The following ENOX1 variants were observed in gnomAD, a reference collection of about 807,000 sequenced individuals.
The protein encoded by ENOX1 is ecto-NOX disulfide-thiol exchanger 1.
Under a neutral mutation model 82.5 loss-of-function variants are expected in ENOX1, and 42 were observed. The ratio of observed to expected loss-of-function variants is 0.51; its 90% confidence interval spans 0.40 to 0.66. The LOEUF is 0.66. Among genes scored for constraint, ENOX1 ranks in the 30% least tolerant of loss-of-function variants. ENOX1 has a pLI of 0.00. For missense variants in ENOX1, 608 were observed against 811.6 expected (o/e 0.75, Z 3.05); for synonymous variants, 271 against 282.2 (o/e 0.96, Z 0.40).
rs371273708 is a variant in ENOX1, at chr13:43,669,211, A to G, written c.-284-1667T>C. Among the ~76,000 whole-genome samples the G allele has an allele frequency of 5.2e-3, 794 of 152,312 alleles. 3 individuals carry two copies. Among genetic ancestry groups the G allele is most frequent in the South Asian group, 0.028 (134 of 4,824 alleles). On this transcript the variant is annotated intron_variant, in intron 1 of 16. Transcript: ENST00000690772. ...AGAGAATCACATTAAAGTTAATACA[A>G]AAGTCAGGAAAATGTCTTCAGCAAG...
intron 2 of ENOX1, among the ~76,000 whole-genome samples, chr13:43,597,140 T>C (rs1433575539): frequency 6.6e-6 from 1 of 152,114 alleles, no homozygotes; most frequent in African/African-American, 2.4e-5. Context: ...TATACACTTA[T>C]CAGATAACCA....
At chr13:43,314,008 C>T (rs1195787469) in intron 11 of ENOX1, among the ~76,000 whole-genome samples, 2 of 152,182 alleles carry the variant, frequency 1.3e-5, no homozygotes, top group African/African-American at 4.8e-5. Flanking sequence ...CTGCAATGCC[C>T]TGCCGGAAAT....
At chr13:43,327,831 A>G (rs2048199533) in intron 9 of ENOX1, among the ~76,000 whole-genome samples, 1 of 152,246 alleles carries the variant, frequency 6.6e-6, no homozygotes, top group Non-Finnish European at 1.5e-5. Context: ...AGCAGATTCC[A>G]TTCACTTACA....
chr13:43,483,009 A>C lies in ENOX1; in HGVS notation c.-75+1000T>G, dbSNP rs116727712. Among the ~76,000 whole-genome samples, 435 of 152,338 alleles carry C rather than the reference A, an allele frequency of 2.9e-3. 1 individual carries two copies. The highest frequency in any genetic ancestry group is 0.01 in the African/African-American group (419 of 41,576). ...TGGGAAAACTGGAGTCTAGCCCAGC[A>C]CTACAGTAACATCTACTTTGATTCT... On this transcript the variant is annotated intron_variant, in intron 3 of 16. Transcript: ENST00000690772.
chr13:43,707,435 A>G (rs1017256047), intron 1 of ENOX1, among the ~76,000 whole-genome samples: 1 of 152,170 alleles, frequency 6.6e-6, no homozygotes, highest in Non-Finnish European at 1.5e-5. Context: ...ACCTATAGTT[A>G]TTAAAACAAT....
rs574700673 is a variant in ENOX1 at position 43,630,952 on chromosome 13, T to C, written c.-219+36527A>G. On this transcript the variant is annotated intron_variant, in intron 2 of 16. Coordinates refer to ENST00000690772, the MANE Select transcript of ENOX1 (RefSeq NM_001347969.2). The stretch of plus-strand genomic sequence containing the variant: ...GTGTGTTTGTGTGTGTGTGTGTGTA[T>C]GTAATACATATAATTAGATGGGCTC... Among the ~76,000 whole-genome samples the C allele has an allele frequency of 7.9e-5, 12 of 151,814 alleles. No individual in the cohort carries two copies. The East Asian group carries it at 2.0e-3, about 25-fold the overall frequency.
chr13:43,768,071 C>T (rs967468995), intron 1 of ENOX1, among the ~76,000 whole-genome samples: 1 of 152,204 alleles, frequency 6.6e-6, no homozygotes, highest in African/African-American at 2.4e-5. Context: ...TGAGCTTAAG[C>T]CATATTTTTC....
intron 2 of ENOX1, among the ~76,000 whole-genome samples, chr13:43,660,377 A>T (rs2153784936): frequency 6.6e-6 from 1 of 152,358 alleles, no homozygotes; most frequent in South Asian, 2.1e-4. Flanking sequence ...CCTTAATCTG[A>T]AAATGATCAG....
chr13:43,492,239 T>C (rs1566368847), intron 2 of ENOX1, among the ~76,000 whole-genome samples: 1 of 152,168 alleles, frequency 6.6e-6, no homozygotes, highest in Non-Finnish European at 1.5e-5. Flanking sequence ...AGCTTGGAAA[T>C]ATATTCTGCC....
chr13:43,524,224 C>A (rs1179563119), intron 2 of ENOX1, among the ~76,000 whole-genome samples: 2 of 152,148 alleles, frequency 1.3e-5, no homozygotes, highest in Non-Finnish European at 1.5e-5. Context: ...TTCATAGAGA[C>A]AATTCCAACT....
intron 2 of ENOX1, among the ~76,000 whole-genome samples, chr13:43,638,391 A>G (rs1594212464): frequency 8.1e-6 from 1 of 123,714 alleles, no homozygotes. Context: ...CACTATCATC[A>G]TAAGTGTCTA....
chr13:43,660,094 C>G (rs1221337981), intron 2 of ENOX1, among the ~76,000 whole-genome samples: 1 of 152,176 alleles, frequency 6.6e-6, no homozygotes, highest in Non-Finnish European at 1.5e-5. Context: ...TCTCCACTCT[C>G]CCTTCCAGGG....
rs1555289636 is a variant in ENOX1 at position 43,470,224 on chromosome 13, GTA to G, written c.-75+13783_-75+13784del. Among the ~76,000 whole-genome samples, 27 of 95,092 alleles carry G rather than the reference GTA, an allele frequency of 2.8e-4. 5 individuals are homozygous for G. Among genetic ancestry groups the G allele is most frequent in the Non-Finnish European group, 5.8e-4 (24 of 41,554 alleles). The allele number at this position is 95,092 out of a possible 152,430, so 62.4% of individuals were successfully genotyped here. ...TATATGTGTATATATATATGTGTGT[GTA>G]TGTGTGTGTGTGTATATATATACAT... is the stretch of plus-strand genomic sequence containing the variant. On this transcript the variant is annotated intron_variant, in intron 3 of 16. Transcript: ENST00000690772.
chr13:43,608,652 A>T (rs1320374103), intron 2 of ENOX1, among the ~76,000 whole-genome samples: 1 of 152,132 alleles, frequency 6.6e-6, no homozygotes, highest in African/African-American at 2.4e-5. Flanking sequence ...AATTGGGTGG[A>T]TGAGGGGCTG....
At chr13:43,569,304 G>A (rs1349602232) in intron 2 of ENOX1, among the ~76,000 whole-genome samples, 2 of 152,036 alleles carry the variant, frequency 1.3e-5, no homozygotes, top group Non-Finnish European at 2.9e-5. Flanking sequence ...GATCACCTAG[G>A]GCAGACAGAT....
In ENOX1 at chr13:43,322,106, G is replaced by A. The variant is rs1034579057; in HGVS notation, c.1261+278C>T. On this transcript the variant is annotated intron_variant, in intron 11 of 16. Transcript: ENST00000690772. ...ATTTTTAGCATCAGCTGTGGCTGCC[G>A]TACTCTGGAAAAGGATTTTCATGGA... is the stretch of plus-strand genomic sequence containing the variant. 3.9e-5 allele frequency among the ~76,000 whole-genome samples: 6 copies of A among 152,226 alleles called. No homozygotes were observed. The East Asian group carries it at 5.8e-4, about 15-fold the overall frequency.
intron 2 of ENOX1, among the ~76,000 whole-genome samples, chr13:43,563,075 C>T (rs1828298518): frequency 6.6e-6 from 1 of 152,066 alleles, no homozygotes; most frequent in Admixed American, 6.6e-5. Context: ...CCAATGGCTG[C>T]AAAATATACA....
At chr13:43,780,902 C>T (rs1383208521) in intron 1 of ENOX1, among the ~76,000 whole-genome samples, 1 of 152,188 alleles carries the variant, frequency 6.6e-6, no homozygotes, top group African/African-American at 2.4e-5. Flanking sequence ...GAGATGTTAA[C>T]ACAGCACCTT....
At chr13:43,698,565 ATAC>A (rs2086755671) in intron 1 of ENOX1, among the ~76,000 whole-genome samples, 1 of 152,202 alleles carries the variant, frequency 6.6e-6, no homozygotes, top group African/African-American at 2.4e-5. Context: ...AAAATTTAAA[ATAC>A]TACAATTTTA....
Sources: gnomAD v4.1 joint callset for allele counts (sites outside exome capture counted in the v4.1 genomes callset) on GRCh38, gnomAD v4.1.1 for gene constraint, MANE v1.5 for transcripts, NCBI Gene and HGNC (gene_info 2026-07-23, HGNC 2026-07-21) for gene names.